The following MRPL28 variants were observed in gnomAD, a reference collection of about 807,000 sequenced individuals.
The protein encoded by MRPL28 is mitochondrial ribosomal protein L28.
Under a neutral mutation model 26.2 loss-of-function variants are expected in MRPL28, and 25 were observed. The ratio of observed to expected loss-of-function variants is 0.95; its 90% CI spans 0.69 to 1.33. MRPL28 has a LOEUF of 1.33. Among genes scored for constraint, MRPL28 ranks in the 40% most tolerant of loss-of-function variants. MRPL28 has a pLI of 0.00. For missense variants in MRPL28, 432 were observed against 327.2 expected (o/e 1.32, Z -2.47); for synonymous variants, 227 against 140.1 (o/e 1.62, Z -4.38).
chr16:367,348 G>A lies in MRPL28; in HGVS notation c.*327C>T, dbSNP rs137863603. 1.2e-4 allele frequency: 75 copies of A among 641,002 alleles called. No homozygotes were observed. The Middle Eastern group carries it at 1.7e-3, about 15-fold the overall frequency. 39.7% of individuals were successfully genotyped at this position (641,002 alleles called of 1,614,324 possible). A position where few individuals can be genotyped will look rare whatever the true frequency, so the allele number is the denominator to read the frequency against. ...GCAAGGGCAGGGGTGACAGGATCAGGATCCCCAAAGAGAACACCAGTCCTC... is the reference window on the plus strand; with the variant it reads ...GCAAGGGCAGGGGTGACAGGATCAGAATCCCCAAAGAGAACACCAGTCCTC... On this transcript the variant is annotated 3_prime_UTR_variant, in exon 6 of 6. Coordinates refer to ENST00000199706, the MANE Select transcript of MRPL28 (RefSeq NM_006428.5).
Position 368,326 on chromosome 16 carries a change from ACCTTCTCCT to A in MRPL28, c.656_663+1del. On this transcript the variant is annotated splice_donor_variant and coding_sequence_variant, in exon 5 of 6. Transcript: ENST00000199706. LOFTEE classifies it high-confidence loss of function. Reference sequence around the variant, plus strand: ...AGCATCGGCTGGTGCTCACACACTCACCTTCTCCTCCAAAAGTCTCTGCTTCTCAATGGC... The same window carrying A: ...AGCATCGGCTGGTGCTCACACACTCACCAAAAGTCTCTGCTTCTCAATGGC... The A allele has an allele frequency of 6.2e-7, 1 of 1,613,072 alleles. No homozygotes were observed. The highest frequency in any genetic ancestry group is 8.5e-7 in the Non-Finnish European group (1 of 1,179,824).
At chr16:369,878 G>A (rs2054303974) in intron 2 of MRPL28, 53 bp downstream of exon 2, 20 of 1,564,424 alleles carry the variant, frequency 1.3e-5, no homozygotes, top group East Asian at 2.2e-5. Flanking sequence ...CCGGCACAGA[G>A]CCGGCACAGC....
chr16:367,273 CG>C lies in MRPL28; in HGVS notation c.*401del. The C allele has an allele frequency of 1.7e-6, 1 of 574,252 alleles. No individual in the cohort carries two copies. The highest frequency in any genetic ancestry group is 2.4e-5 in the South Asian group (1 of 41,684). 35.6% of individuals were successfully genotyped at this position (574,252 alleles called of 1,614,324 possible). On this transcript the variant is annotated 3_prime_UTR_variant, in exon 6 of 6. Transcript: ENST00000199706. ...TCGCTCTCTGCAGCTCACCGGGGGA[CG>C]GGCACAGCCAGAGTCAATGCCCACG...
intron 2 of MRPL28, 50 bp downstream of exon 2, chr16:369,881 G>C: frequency 1.3e-6 from 2 of 1,567,216 alleles, no homozygotes; most frequent in South Asian, 1.2e-5. Flanking sequence ...GCACAGAGCC[G>C]GCACAGCCAA....
intron 2 of MRPL28, 192 bp downstream of exon 2, chr16:369,739 C>G (rs757412231): frequency 2.4e-6 from 2 of 825,502 alleles, no homozygotes; most frequent in Middle Eastern, 2.2e-4. Context: ...CCCCACCTCA[C>G]CCCTACTTTA....
chr16:369,555 G>A (rs2054298114), intron 2 of MRPL28: 1 of 615,372 alleles, frequency 1.6e-6, no homozygotes, highest in Admixed American at 2.2e-5. Flanking sequence ...TCTCCCCACA[G>A]GCTTCAGCAG....
At chr16:368,676 G>GC (rs766832003) in intron 3 of MRPL28, 41 bp from the exon 4 acceptor site, 14 of 1,520,590 alleles carry the variant, frequency 9.2e-6, no homozygotes, top group Non-Finnish European at 1.1e-5. Flanking sequence ...TGGTGGCAGG[G>GC]CCCCACCTAC....
chr16:368,792 A>T, intron 3 of MRPL28, 157 bp from the exon 4 acceptor site: 1 of 1,226,708 alleles, frequency 8.2e-7, no homozygotes, highest in Non-Finnish European at 1.1e-6. Context: ...GGGGGGTGGG[A>T]TCAGCACAGA....
intron 2 of MRPL28, 141 bp downstream of exon 2, chr16:369,790 G>A: frequency 9.2e-7 from 1 of 1,086,004 alleles, no homozygotes; most frequent in Non-Finnish European, 1.3e-6. Context: ...CACTCAGCGT[G>A]CTCCTTTGCC....
rs755231662 is a variant in MRPL28, at chr16:368,324, T to A, written c.663+4A>T. On this transcript the variant is annotated splice_donor_region_variant and intron_variant, in intron 5 of 5. Transcript: ENST00000199706. ...GCAGCATCGGCTGGTGCTCACACACTCACCTTCTCCTCCAAAAGTCTCTGC... is the reference window on the plus strand; with the variant it reads ...GCAGCATCGGCTGGTGCTCACACACACACCTTCTCCTCCAAAAGTCTCTGC... 10 of 1,613,132 alleles carry A rather than the reference T, an allele frequency of 6.2e-6. No individual in the cohort carries two copies. Among genetic ancestry groups the A allele is most frequent in the Non-Finnish European group, 6.8e-6 (8 of 1,179,822 alleles).
intron 3 of MRPL28, 55 bp downstream of exon 3, chr16:369,013 G>A: frequency 6.3e-7 from 1 of 1,583,642 alleles, no homozygotes; most frequent in Non-Finnish European, 8.6e-7. Flanking sequence ...GCTCCCGTGA[G>A]TCTGACTGGC....
In MRPL28 at chr16:370,151, C is replaced by T. The variant is rs751059651; in HGVS notation, c.68G>A (p.Arg23His). ...GGAGCGCAGGTAGTGGCCGGGCAGG[C>T]GGGAACAGATGCCCTCCCGCAGCTG... ...RLQLREGICS[R>H]LPGHYLRSLE... The change falls in exon 2 of 6, where the codon CGC becomes CAC. Residue 23 changes from arginine to histidine, a missense_variant. By Grantham distance (29) the Arg-to-His change is conservative. Coordinates refer to ENST00000199706, the MANE Select transcript of MRPL28 (RefSeq NM_006428.5). The T allele has an allele frequency of 2.5e-6, 4 of 1,602,426 alleles. No homozygotes were observed. Among genetic ancestry groups the T allele is most frequent in the Admixed American group, 1.7e-5 (1 of 58,868 alleles).
intron 1 of MRPL28, 60 bp from the exon 2 acceptor site, chr16:370,285 C>A: frequency 7.0e-7 from 1 of 1,434,612 alleles, no homozygotes; most frequent in Non-Finnish European, 9.2e-7. Context: ...GGCACTCACC[C>A]CCTACCCCGG....
intron 3 of MRPL28, 135 bp downstream of exon 3, chr16:368,933 C>T: frequency 8.4e-7 from 1 of 1,189,434 alleles, no homozygotes; most frequent in South Asian, 1.5e-5. Flanking sequence ...AGGGGCATGG[C>T]CCCACTCACG....
In MRPL28 at chr16:368,664, G is replaced by A. The variant is rs1297947608; in HGVS notation, c.442-29C>T. Reference sequence around the variant, plus strand: ...GCAGAAGGCTCACATGGGGCCAGGTGCTGGTGGCAGGGCCCCACCTACCCT... The same window carrying A: ...GCAGAAGGCTCACATGGGGCCAGGTACTGGTGGCAGGGCCCCACCTACCCT... On this transcript the variant is annotated intron_variant, in intron 3 of 5. Transcript: ENST00000199706. 4.6e-6 allele frequency: 7 copies of A among 1,524,662 alleles called. No individual in the cohort carries two copies. The African/African-American group carries it at 5.5e-5, about 12-fold the overall frequency. The allele number at this position is 1,524,662 out of a possible 1,614,324, so 94.4% of individuals were successfully genotyped here. A position where few individuals can be genotyped will look rare whatever the true frequency, so the allele number is the denominator to read the frequency against.
rs763473681 is a variant in MRPL28, at chr16:367,795, G to C, written c.664-13C>G. Reference sequence around the variant, plus strand: ...GGGGTACAGGGTCCTGAAGGAGAGAGGGGCTCATGGTGAGGCCAGGGAAGC... The same window carrying C: ...GGGGTACAGGGTCCTGAAGGAGAGACGGGCTCATGGTGAGGCCAGGGAAGC... On this transcript the variant is annotated splice_polypyrimidine_tract_variant and intron_variant, in intron 5 of 5. Transcript: ENST00000199706. The C allele has an allele frequency of 6.2e-7, 1 of 1,610,574 alleles. No homozygotes were observed. The highest frequency in any genetic ancestry group is 2.2e-5 in the East Asian group (1 of 44,860).
chr16:369,317 A>G, intron 2 of MRPL28, 97 bp from the exon 3 acceptor site: 1 of 1,460,064 alleles, frequency 6.8e-7, no homozygotes, highest in Non-Finnish European at 9.3e-7. Flanking sequence ...CGGAGGCTCC[A>G]TCACAGAACC....
chr16:369,663 C>T (rs1354484355), intron 2 of MRPL28: 1 of 721,706 alleles, frequency 1.4e-6, no homozygotes. Context: ...ATCACACAGG[C>T]CTCCTCCCCA....
At chr16:369,256 C>T in intron 2 of MRPL28, 36 bp from the exon 3 acceptor site, 6 of 1,593,636 alleles carry the variant, frequency 3.8e-6, no homozygotes, top group Non-Finnish European at 5.1e-6. Flanking sequence ...AGTACTGCTG[C>T]TTTCTCTTAC....
Sources: gnomAD v4.1 joint callset for allele counts on GRCh38, gnomAD v4.1.1 for gene constraint, MANE v1.5 for transcripts, NCBI Gene and HGNC (gene_info 2026-07-23, HGNC 2026-07-21) for gene names.